The following RRN3 variants were observed in gnomAD, a reference collection of about 807,000 sequenced individuals.
The protein encoded by RRN3 is RNA polymerase I-specific transcription initiation factor RRN3.
RRN3 carries 38 observed loss-of-function variants against 82.3 expected under a neutral mutation model. That is an observed-to-expected ratio of 0.46 (90% confidence interval 0.36 to 0.61). The LOEUF is 0.61. Among genes scored for constraint, RRN3 ranks in the 20% least tolerant of loss-of-function variants. RRN3 has a pLI of 0.00. For missense variants in RRN3, 726 were observed against 793.1 expected, an observed-to-expected ratio of 0.92 and a Z score of 1.02; for synonymous variants, 284 against 284.3, an observed-to-expected ratio of 1.00 and a Z score of 0.01.
At chr16:15,091,559 T>C (rs1438734354) in intron 2 of RRN3, among the ~76,000 whole-genome samples, 188 bp from the exon 3 acceptor site, 1 of 151,596 alleles carries the variant, frequency 6.6e-6, no homozygotes, top group Non-Finnish European at 1.5e-5. Context: ...GCCAGAGGGC[T>C]TGGAAAAAGG....
chr16:15,072,617 A>G (rs984874068), intron 12 of RRN3, among the ~76,000 whole-genome samples: 3 of 152,148 alleles, frequency 2.0e-5, no homozygotes, highest in African/African-American at 7.2e-5. Context: ...AGTATGGCCA[A>G]CGTGGCGAAA....
rs148217940 is a variant in RRN3 at position 15,074,810 on chromosome 16, C to T, written c.910G>A (p.Asp304Asn). ...TCGGCTACAGGATGCACCATCTGGTCGAGCCGTTCAGGACCAGCCTTTGTT... is the reference window on the plus strand; with the variant it reads ...TCGGCTACAGGATGCACCATCTGGTTGAGCCGTTCAGGACCAGCCTTTGTT... The part of the protein sequence containing the change: ...HETKAGPERL[D>N]QMVHPVAERL... Residue 304 changes from aspartate to asparagine, a missense_variant, in exon 11 of 18, where the codon GAC becomes AAC. By Grantham distance (23) the Asp-to-Asn change is conservative (BLOSUM62 1). Around this residue, in one of 4 missense-constraint regions of RRN3, gnomAD observed 344 missense variants for 394.5 expected, o/e 0.87. Coordinates refer to ENST00000198767, the MANE Select transcript of RRN3 (RefSeq NM_018427.5). 2.2e-5 allele frequency: 35 copies of T among 1,613,698 alleles called. No individual in the cohort carries two copies. Among genetic ancestry groups the T allele is most frequent in the African/African-American group, 1.1e-4 (8 of 74,882 alleles).
At chr16:15,084,904 A>G (rs1429500791) in intron 6 of RRN3, among the ~76,000 whole-genome samples, 199 bp from the exon 7 acceptor site, 2 of 152,114 alleles carry the variant, frequency 1.3e-5, no homozygotes, top group East Asian at 3.9e-4. Context: ...CATCTCTACT[A>G]AAAATACAAA....
chr16:15,091,135 C>T (rs1333320717), intron 3 of RRN3, among the ~76,000 whole-genome samples, 180 bp downstream of exon 3: 4 of 152,044 alleles, frequency 2.6e-5, no homozygotes, highest in Non-Finnish European at 5.9e-5. Context: ...AAAATATCTG[C>T]AGCCATCACC....
Position 15,061,759 on chromosome 16 carries a change from T to C in RRN3, c.1941A>G (p.Gln647=). 2 of 1,612,900 alleles carry C rather than the reference T, an allele frequency of 1.2e-6. No individual in the cohort carries two copies. The highest frequency in any genetic ancestry group is 1.1e-5 in the South Asian group (1 of 91,046). ...ATTTCTGCCGTCAGAGGGGACTGGG[T>C]TGCATGTACAACACGGGTGGGGAGC... ...SVGSPPVLYM[Q]PSPL Residue 647 remains glutamine (Q), a synonymous_variant, in exon 18 of 18, where the codon CAA becomes CAG. Coordinates refer to ENST00000198767, the MANE Select transcript of RRN3 (RefSeq NM_018427.5).
At chr16:15,089,160 C>T (rs1252055456) in intron 3 of RRN3, among the ~76,000 whole-genome samples, 2 of 151,898 alleles carry the variant, frequency 1.3e-5, no homozygotes, top group East Asian at 1.9e-4. Context: ...AAAAAATTAG[C>T]TGGGCATGGT....
At chr16:15,068,637 C>CAACAA (rs2045083381) in intron 14 of RRN3, among the ~76,000 whole-genome samples, 1 of 152,154 alleles carries the variant, frequency 6.6e-6, no homozygotes, top group African/African-American at 2.4e-5. Context: ...TCATGACAGG[C>CAACAA]AACAAAACAA....
intron 3 of RRN3, among the ~76,000 whole-genome samples, chr16:15,090,622 T>A (rs1334627455): frequency 6.6e-6 from 1 of 152,204 alleles, no homozygotes; most frequent in Non-Finnish European, 1.5e-5. Flanking sequence ...CCATATTTTT[T>A]AAATCTCTAT....
rs1226563745 is a variant in RRN3 at position 15,080,039 on chromosome 16, C to T, written c.724G>A (p.Glu242Lys). 6.2e-7 allele frequency: 1 copy of T among 1,601,146 alleles called. No homozygotes were observed. The highest frequency in any genetic ancestry group is 8.5e-7 in the Non-Finnish European group (1 of 1,173,744). The change falls in exon 9 of 18, where the codon GAA (glutamate) becomes AAA (lysine). Residue 242 changes from glutamate (E) to lysine (K), a missense_variant. By Grantham distance (56) the Glu-to-Lys change is moderately conservative. Around this residue, in one of 4 missense-constraint regions of RRN3, gnomAD observed 344 missense variants for 394.5 expected, o/e 0.87. Coordinates refer to ENST00000198767, the MANE Select transcript of RRN3 (RefSeq NM_018427.5). The stretch of plus-strand genomic sequence containing the variant: ...TTTTCAATAATAAGCTCCAGAATTT[C>T]ATGCCTCAAGGTTGGAAAATATACA... The part of the protein sequence containing the change: ...ISVYFPTLRH[E>K]ILELIIEKLL...
chr16:15,081,563 T>G (rs1205559753), intron 8 of RRN3, among the ~76,000 whole-genome samples: 2 of 152,210 alleles, frequency 1.3e-5, no homozygotes, highest in African/African-American at 4.8e-5. Flanking sequence ...ATAAGAGTTC[T>G]TTACATATAC....
At chr16:15,072,409 G>C (rs568230302) in intron 12 of RRN3, among the ~76,000 whole-genome samples, 1 of 152,130 alleles carries the variant, frequency 6.6e-6, no homozygotes, top group African/African-American at 2.4e-5. Context: ...AAAGGCTTAA[G>C]GGAAGAGCAC....
intron 9 of RRN3, among the ~76,000 whole-genome samples, chr16:15,078,047 C>T (rs1046052722): frequency 2.0e-5 from 3 of 152,170 alleles, no homozygotes; most frequent in Admixed American, 2.0e-4. Context: ...TATCACCATT[C>T]AAATATCTTA....
At chr16:15,062,650 A>T (rs936670191) in intron 17 of RRN3, among the ~76,000 whole-genome samples, 2 of 152,230 alleles carry the variant, frequency 1.3e-5, no homozygotes, top group African/African-American at 4.8e-5. Context: ...CAATTTCAAC[A>T]TGAGTCAACT....
intron 9 of RRN3, among the ~76,000 whole-genome samples, chr16:15,077,363 G>A (rs1355258093): frequency 6.6e-6 from 1 of 152,012 alleles, no homozygotes; most frequent in African/African-American, 2.4e-5. Context: ...TGAATCATAG[G>A]GTAGGTTTCC....
chr16:15,071,853 A>G (rs2045246666), intron 12 of RRN3, among the ~76,000 whole-genome samples: 1 of 152,170 alleles, frequency 6.6e-6, no homozygotes, highest in South Asian at 2.1e-4. Context: ...TGGAATCCAC[A>G]TATTACAAAA....
chr16:15,085,541 C>T (rs1390916124), intron 6 of RRN3, 98 bp downstream of exon 6: 1 of 1,549,952 alleles, frequency 6.5e-7, no homozygotes, highest in Non-Finnish European at 8.8e-7. Flanking sequence ...TGGTCTCAAA[C>T]TCTTGGCCTC....
intron 3 of RRN3, 102 bp downstream of exon 3, chr16:15,091,212 TG>T (rs1347802056): frequency 2.1e-6 from 3 of 1,429,210 alleles, no homozygotes; most frequent in African/African-American, 2.8e-5. Flanking sequence ...GGGAGGACCA[TG>T]GAGAGAGCAA....
At chr16:15,087,532 G>A (rs1481652453) in intron 3 of RRN3, among the ~76,000 whole-genome samples, 1 of 152,092 alleles carries the variant, frequency 6.6e-6, no homozygotes, top group Non-Finnish European at 1.5e-5. Context: ...CAGCTACTGA[G>A]TGCTTACTAT....
In RRN3 at chr16:15,073,954, A is replaced by G. The variant is rs572786505; in HGVS notation, c.997+769T>C. On this transcript the variant is annotated intron_variant, in intron 11 of 17. Coordinates refer to ENST00000198767, the MANE Select transcript of RRN3 (RefSeq NM_018427.5). The stretch of plus-strand genomic sequence containing the variant: ...AAATGTTTATCTTCAGCATCCATGT[A>G]AAGGGCAGATTATGAAACACTTGTG... 2.0e-5 allele frequency among the ~76,000 whole-genome samples: 3 copies of G among 152,312 alleles called. No homozygotes were observed. The East Asian group carries it at 5.8e-4, about 29-fold the overall frequency.
Sources: gnomAD v4.1 joint callset for allele counts (sites outside exome capture counted in the v4.1 genomes callset) on GRCh38, gnomAD v4.1.1 for gene constraint, gnomAD v4.1.1 regional missense constraint, MANE v1.5 for transcripts, NCBI Gene and HGNC (gene_info 2026-07-23, HGNC 2026-07-21) for gene names.